Variants in CCDC57 observed in about 807,000 individuals in gnomAD.
The protein encoded by CCDC57 is coiled-coil domain containing 57.
A neutral mutation model predicts 118.9 loss-of-function variants in CCDC57; 118 were observed. That is an observed-to-expected ratio of 0.99 (90% CI 0.86 to 1.16). The LOEUF (loss-of-function observed/expected upper bound fraction) is 1.16, where lower values mean the gene tolerates loss of function less well. Ranked by LOEUF, CCDC57 falls within the 50% of genes most tolerant of loss-of-function variation. CCDC57 has a pLI of 0.00. For missense variants in CCDC57, 1,300 were observed against 1,320.7 expected (o/e 0.98, Z 0.24); for synonymous variants, 527 against 532.9 (o/e 0.99, Z 0.15).
At chr17:82,211,613 T>A (rs2050185128) in intron 1 of CCDC57, among the ~76,000 whole-genome samples, 1 of 151,626 alleles carries the variant, frequency 6.6e-6, no homozygotes, top group Admixed American at 6.6e-5. Context: ...AATGGCGCGA[T>A]CTTGGCTCTC....
At chr17:82,187,329 T>A (rs2146589285) in intron 8 of CCDC57, among the ~76,000 whole-genome samples, 1 of 149,492 alleles carries the variant, frequency 6.7e-6, no homozygotes, top group African/African-American at 2.5e-5. Flanking sequence ...ATGTTATGTG[T>A]ATTTTACCAC....
At chr17:82,151,862 G>T in intron 15 of CCDC57, 89 bp from the exon 15 acceptor site, 3 of 1,142,870 alleles carry the variant, frequency 2.6e-6, no homozygotes, top group Non-Finnish European at 3.7e-6. Context: ...CTCTTCACCT[G>T]CTCTTCCAGG....
chr17:82,152,759 G>A (rs970185163), intron 15 of CCDC57, among the ~76,000 whole-genome samples: 1 of 152,204 alleles, frequency 6.6e-6, no homozygotes. Flanking sequence ...CCCTGTCCCC[G>A]CCAGCTTCCT....
chr17:82,155,887 C>T (rs1436851211), intron 15 of CCDC57: 1 of 152,224 alleles, frequency 6.6e-6, no homozygotes, highest in Non-Finnish European at 1.5e-5. Context: ...CTGTCGCCTC[C>T]ATGCATGTAG....
intron 19 of CCDC57, among the ~76,000 whole-genome samples, chr17:82,107,191 TCCCCTGGAGACCAGG>T (rs1325901506): frequency 1.3e-5 from 2 of 152,108 alleles, no homozygotes; most frequent in African/African-American, 4.8e-5. Flanking sequence ...CTCCCTCTTC[TCCCCTGGAGACCAGG>T]CCCCTGGAGT....
intron 19 of CCDC57, among the ~76,000 whole-genome samples, chr17:82,117,610 G>A (rs1489886584): frequency 6.6e-6 from 1 of 152,072 alleles, no homozygotes; most frequent in Non-Finnish European, 1.5e-5. Flanking sequence ...AGCCATGGCT[G>A]CGGCACTACA....
At chr17:82,117,383 T>C (rs1213284677) in intron 19 of CCDC57, among the ~76,000 whole-genome samples, 1 of 149,014 alleles carries the variant, frequency 6.7e-6, no homozygotes, top group Non-Finnish European at 1.5e-5. Context: ...TGCTCATGCC[T>C]GTAATCCAGC....
In CCDC57 at chr17:82,132,759, C is replaced by CTTTTTTTTTTTTTTTTTTTTT. The variant is rs71166188; in HGVS notation, c.2577+1313_2577+1314insAAAAAAAAAAAAAAAAAAAAA. 4.0e-5 allele frequency among the ~76,000 whole-genome samples: 5 copies of CTTTTTTTTTTTTTTTTTTTTT among 123,948 alleles called. 2 individuals are homozygous for CTTTTTTTTTTTTTTTTTTTTT. 81.3% of individuals were successfully genotyped at this position (123,948 alleles called of 152,430 possible). ...TTATCTTTCTGTAGAGACAACCTTG[C>CTTTTTTTTTTTTTTTTTTTTT]TTTTTTTTTTTTTTTTTTGAGACGG... On this transcript the variant is annotated intron_variant, in intron 17 of 19. Coordinates refer to ENST00000665763, the Ensembl canonical transcript of CCDC57.
chr17:82,170,507 CAAAA>C (rs35462707), intron 13 of CCDC57, among the ~76,000 whole-genome samples: 4 of 99,208 alleles, frequency 4.0e-5, no homozygotes, highest in African/African-American at 4.0e-5. Flanking sequence ...GACTCTGTCC[CAAAA>C]AAAAAAAAAA....
At chr17:82,158,346 G>T (rs1196422284) in intron 14 of CCDC57, among the ~76,000 whole-genome samples, 1 of 152,172 alleles carries the variant, frequency 6.6e-6, no homozygotes, top group Non-Finnish European at 1.5e-5. Flanking sequence ...GACATGGGGA[G>T]GCCAGAGGTA....
In CCDC57 at chr17:82,192,134, C is replaced by T. The variant is rs1292474074; in HGVS notation, c.851+1622G>A. ...CCAAGTAGCTGGGATTACAGGCGTG[C>T]ACCACCACGCCCGGCTAATTTTGTA... On this transcript the variant is annotated intron_variant, in intron 7 of 19. Coordinates refer to ENST00000665763, the Ensembl canonical transcript of CCDC57. The surrounding 1 kb of genome is among the most constrained non-coding windows in gnomAD (Gnocchi z 4.0). Among the ~76,000 whole-genome samples the T allele has an allele frequency of 6.6e-6, 1 of 152,006 alleles. No homozygotes were observed. The highest frequency in any genetic ancestry group is 1.5e-5 in the Non-Finnish European group (1 of 68,000).
chr17:82,180,287 C>T (rs2046041228), intron 9 of CCDC57, among the ~76,000 whole-genome samples: 1 of 152,118 alleles, frequency 6.6e-6, no homozygotes, highest in African/African-American at 2.4e-5. Flanking sequence ...CTGGAAGGGA[C>T]CCTGGGCCTC....
exon 3 of CCDC57, chr17:82,201,612 C>T (rs755734749): frequency 5.6e-6 from 9 of 1,613,544 alleles, no homozygotes; most frequent in Middle Eastern, 1.6e-4. Flanking sequence ...CCTCCACCTT[C>T]CTGGCCTCTC....
At chr17:82,131,671 G>A (rs2038389646) in intron 17 of CCDC57, among the ~76,000 whole-genome samples, 1 of 152,120 alleles carries the variant, frequency 6.6e-6, no homozygotes, top group African/African-American at 2.4e-5. Flanking sequence ...AAGATCACTT[G>A]AGCCTGGGAG....
intron 8 of CCDC57, 141 bp downstream of exon 7, chr17:82,188,078 G>T: frequency 9.4e-6 from 5 of 531,510 alleles, no homozygotes; most frequent in Non-Finnish European, 1.5e-5. Context: ...GAGTGGTTAA[G>T]AAAAGTGACT....
Position 82,179,276 on chromosome 17 carries a change from T to C in CCDC57, c.1212-87A>G. 5 of 1,454,976 alleles carry C rather than the reference T, an allele frequency of 3.4e-6. No individual in the cohort carries two copies. In the South Asian group the frequency reaches 5.3e-5, roughly 15 times the overall value. The allele number at this position is 1,454,976 out of a possible 1,614,324, so 90.1% of individuals were successfully genotyped here. On this transcript the variant is annotated intron_variant, in intron 9 of 19. Transcript: ENST00000665763. ...AGAGGCACGATGGGAAAGGCAGGGC[T>C]GCCGCTGTCCCTCCTGCTCTCGCAT...
intron 11 of CCDC57, chr17:82,175,673 G>A (rs891871218): frequency 6.6e-6 from 1 of 152,222 alleles, no homozygotes; most frequent in African/African-American, 2.4e-5. Context: ...CCTACAATGT[G>A]TAAAACCGAG....
intron 19 of CCDC57, chr17:82,113,415 C>T (rs572235885): frequency 5.2e-5 from 37 of 717,662 alleles, no homozygotes; most frequent in East Asian, 4.0e-4. Flanking sequence ...GGGACTAGAA[C>T]GACAGGAGCA....
chr17:82,135,059 G>A (rs1156587734), intron 16 of CCDC57: 1 of 152,166 alleles, frequency 6.6e-6, no homozygotes, highest in East Asian at 1.9e-4. Flanking sequence ...GGTTTTTGGA[G>A]GGTGTTTATA....
Sources: gnomAD v4.1 joint callset for allele counts (sites outside exome capture counted in the v4.1 genomes callset) on GRCh38, gnomAD v4.1.1 for gene constraint, Gnocchi (gnomAD v3.1) non-coding constraint, MANE v1.5 for transcripts, NCBI Gene and HGNC (gene_info 2026-07-23, HGNC 2026-07-21) for gene names.